The following DPYD variants were observed in gnomAD, a reference collection of about 807,000 sequenced individuals.
DPYD encodes dihydropyrimidine dehydrogenase [NADP(+)].
DPYD carries 109 observed loss-of-function variants against 116.2 expected under a neutral mutation model. The ratio of observed to expected loss-of-function variants is 0.94; its 90% CI spans 0.80 to 1.10. DPYD has a LOEUF of 1.10. DPYD is among the 50% of genes least tolerant of loss of function. The probability of loss-of-function intolerance (pLI) is 0.00; values close to 1 mark genes in which losing one functional copy is unlikely to be tolerated. For missense variants in DPYD, 1,302 were observed against 1,254.5 expected (o/e 1.04, Z -0.57); for synonymous variants, 440 against 432.0 (o/e 1.02, Z -0.23).
chr1:97,324,019 A>T (rs576620865), intron 16 of DPYD, among the ~76,000 whole-genome samples: 1 of 152,126 alleles, frequency 6.6e-6, no homozygotes, highest in South Asian at 2.1e-4. Context: ...AAAAGTGGTT[A>T]AATTGTATTT....
At chr1:97,873,272 A>G (rs1285874892) in intron 2 of DPYD, among the ~76,000 whole-genome samples, 1 of 152,020 alleles carries the variant, frequency 6.6e-6, no homozygotes, top group Non-Finnish European at 1.5e-5. Flanking sequence ...TTTATACTAT[A>G]TAAGTTTCAA....
intron 8 of DPYD, among the ~76,000 whole-genome samples, chr1:97,662,639 A>G (rs368987779): frequency 1.9e-4 from 29 of 152,194 alleles, no homozygotes; most frequent in African/African-American, 6.3e-4. Flanking sequence ...TCTCAAAACA[A>G]AAACAAAAAC....
chr1:97,702,168 T>C (rs1661634171), intron 5 of DPYD, among the ~76,000 whole-genome samples: 1 of 151,502 alleles, frequency 6.6e-6, no homozygotes, highest in Admixed American at 6.6e-5. Flanking sequence ...AATTAAAATG[T>C]AGTTAAAATA....
intron 19 of DPYD, among the ~76,000 whole-genome samples, chr1:97,222,422 A>C (rs536084180): frequency 1.8e-4 from 27 of 152,224 alleles, no homozygotes; most frequent in African/African-American, 6.3e-4. Context: ...TATTAGCTTG[A>C]GTTTCAATTA....
intron 3 of DPYD, among the ~76,000 whole-genome samples, chr1:97,785,628 T>A (rs1208390106): frequency 6.7e-6 from 1 of 150,036 alleles, no homozygotes; most frequent in East Asian, 2.0e-4. Flanking sequence ...TATTAATAGA[T>A]CTTTATGCTG....
At chr1:97,316,403 A>G (rs529988255) in intron 16 of DPYD, among the ~76,000 whole-genome samples, 2 of 151,480 alleles carry the variant, frequency 1.3e-5, no homozygotes, top group African/African-American at 4.8e-5. Context: ...AATCCCAGCT[A>G]CTCAGGAGGC....
At position 97,720,749 on chromosome 1, in the gene DPYD, C is replaced by A; in HGVS notation, c.483+761G>T. 3 of 1,443,232 alleles carry A rather than the reference C, an allele frequency of 2.1e-6. No individual in the cohort carries two copies. The South Asian group carries it at 4.5e-5, about 22-fold the overall frequency. 89.4% of individuals were successfully genotyped at this position (1,443,232 alleles called of 1,614,324 possible). On this transcript the variant is annotated intron_variant, in intron 5 of 22. Transcript: ENST00000370192. ...GCACTTAATTTGACCTTCTAGCCAA[C>A]TAGTCTCCAAAGATTATAAAATCTT...
intron 13 of DPYD, among the ~76,000 whole-genome samples, chr1:97,500,781 A>T (rs563445294): frequency 1.3e-5 from 2 of 152,200 alleles, no homozygotes; most frequent in Admixed American, 1.3e-4. Flanking sequence ...TTCAGTACAA[A>T]AATGACAACC....
chr1:97,235,060 T>C, intron 18 of DPYD, 66 bp from the exon 19 acceptor site: 1 of 1,586,446 alleles, frequency 6.3e-7, no homozygotes, highest in South Asian at 1.1e-5. Flanking sequence ...CTTATATTAC[T>C]TCTATTACTA....
At chr1:97,597,755 C>A (rs1654980986) in intron 8 of DPYD, among the ~76,000 whole-genome samples, 1 of 152,168 alleles carries the variant, frequency 6.6e-6, no homozygotes, top group African/African-American at 2.4e-5. Context: ...GAGTTCCAGT[C>A]TCCTGTCCTG....
At chr1:97,206,687 T>C (rs5776355) in intron 19 of DPYD, among the ~76,000 whole-genome samples, 1 of 71,584 alleles carries the variant, frequency 1.4e-5, no homozygotes, top group Non-Finnish European at 2.9e-5. Context: ...TATATATATA[T>C]AATCTATATG....
chr1:97,309,856 CTG>C (rs1165356294), intron 16 of DPYD, among the ~76,000 whole-genome samples: 2 of 151,744 alleles, frequency 1.3e-5, no homozygotes, highest in Non-Finnish European at 2.9e-5. Context: ...AGTAACTACT[CTG>C]TATTTAGTTA....
chr1:97,892,352 C>G (rs1357002008), intron 1 of DPYD, among the ~76,000 whole-genome samples: 1 of 151,896 alleles, frequency 6.6e-6, no homozygotes, highest in East Asian at 1.9e-4. Context: ...AAGCCCCAGT[C>G]TCAGCCAGTT....
chr1:97,163,824 C>T (rs967377079), intron 20 of DPYD, among the ~76,000 whole-genome samples: 5 of 152,280 alleles, frequency 3.3e-5, no homozygotes, highest in Admixed American at 3.3e-4. Flanking sequence ...GTTTTGACAT[C>T]AGTTTTACAG....
At chr1:97,818,309 A>G (rs1668738511) in intron 3 of DPYD, among the ~76,000 whole-genome samples, 2 of 152,154 alleles carry the variant, frequency 1.3e-5, no homozygotes, top group South Asian at 2.1e-4. Flanking sequence ...GCTTAGATTA[A>G]TGAGTATTAT....
chr1:97,373,056 T>A (rs2101512356), intron 16 of DPYD, among the ~76,000 whole-genome samples: 1 of 152,338 alleles, frequency 6.6e-6, no homozygotes, highest in South Asian at 2.1e-4. Flanking sequence ...AGTATGAAGG[T>A]TCCATTTATT....
chr1:97,268,678 G>C (rs559477257), intron 18 of DPYD, among the ~76,000 whole-genome samples: 1 of 152,190 alleles, frequency 6.6e-6, no homozygotes, highest in Non-Finnish European at 1.5e-5. Flanking sequence ...AAAATTCAGG[G>C]AACAAAGTCT....
chr1:97,721,149 G>A (rs1662900857), intron 5 of DPYD, among the ~76,000 whole-genome samples: 1 of 151,764 alleles, frequency 6.6e-6, no homozygotes, highest in Non-Finnish European at 1.5e-5. Flanking sequence ...AGATTAAGGA[G>A]AGCTTCAGGG....
chr1:97,592,363 A>T (rs762115439), intron 10 of DPYD, among the ~76,000 whole-genome samples: 1 of 152,060 alleles, frequency 6.6e-6, no homozygotes, highest in Non-Finnish European at 1.5e-5. Flanking sequence ...GATTTTAAAC[A>T]TGTTATTATT....
Sources: allele counts gnomAD v4.1 joint callset (sites outside exome capture counted in the v4.1 genomes callset), GRCh38; gene constraint gnomAD v4.1.1; transcripts MANE v1.5; gene names NCBI Gene and HGNC (gene_info 2026-07-23, HGNC 2026-07-21).